EXOC6B: variants seen among roughly 807,000 people sequenced by gnomAD.
EXOC6B encodes SEC15 homolog B.
EXOC6B carries 54 observed loss-of-function variants against 113.5 expected under a neutral mutation model. The ratio of observed to expected loss-of-function variants is 0.48; its 90% CI spans 0.38 to 0.60. The LOEUF is 0.60. Ranked by LOEUF, EXOC6B falls within the 20% of genes least tolerant of loss-of-function variation. The pLI is 0.00. For missense variants in EXOC6B, 797 were observed against 977.5 expected, an observed-to-expected ratio of 0.82 and a Z score of 2.46; for synonymous variants, 357 against 339.0, an observed-to-expected ratio of 1.05 and a Z score of -0.58.
At chr2:72,186,538 TA>T (rs35998544) in intron 20 of EXOC6B, among the ~76,000 whole-genome samples, 7 of 149,144 alleles carry the variant, frequency 4.7e-5, no homozygotes, top group African/African-American at 9.8e-5. Context: ...TTTTCACAAA[TA>T]AAAAAAAAAC....
At chr2:72,513,085 T>C in intron 11 of EXOC6B, 47 bp downstream of exon 11, 3 of 1,604,210 alleles carry the variant, frequency 1.9e-6, no homozygotes, top group Non-Finnish European at 2.6e-6. Flanking sequence ...ACTGAATATA[T>C]AGATAATCAG....
chr2:72,652,740 C>A (rs1674282006), intron 6 of EXOC6B, among the ~76,000 whole-genome samples: 2 of 147,154 alleles, frequency 1.4e-5, no homozygotes, highest in Non-Finnish European at 3.0e-5. Context: ...TAATTATACT[C>A]TATATCTAAT....
At position 72,762,935 on chromosome 2, in the gene EXOC6B, T is replaced by C. The variant is rs556649955; in HGVS notation, c.114-21466A>G. On this transcript the variant is annotated intron_variant, in intron 1 of 21. Transcript: ENST00000272427. ...TGAAAATACACTGTTTTAAGGATTG[T>C]ATGTTATATACAAACACGTACAATA... Among the ~76,000 whole-genome samples the C allele has an allele frequency of 1.0e-3, 154 of 152,232 alleles. 1 individual carries two copies. Among genetic ancestry groups the C allele is most frequent in the African/African-American group, 3.6e-3 (149 of 41,568 alleles).
intron 17 of EXOC6B, among the ~76,000 whole-genome samples, chr2:72,475,913 G>A (rs1350576875): frequency 6.6e-6 from 1 of 152,152 alleles, no homozygotes; most frequent in Non-Finnish European, 1.5e-5. Context: ...CCCTGGTGTG[G>A]GTGGCCCCTG....
At chr2:72,504,727 A>G (rs1309698327) in intron 11 of EXOC6B, among the ~76,000 whole-genome samples, 1 of 152,212 alleles carries the variant, frequency 6.6e-6, no homozygotes, top group Non-Finnish European at 1.5e-5. Flanking sequence ...TGTCTTATCA[A>G]TTTAAACTTA....
chr2:72,423,329 G>A (rs913797313), intron 18 of EXOC6B, among the ~76,000 whole-genome samples: 6 of 152,220 alleles, frequency 3.9e-5, no homozygotes, highest in African/African-American at 9.6e-5. Flanking sequence ...AACACTCACC[G>A]CGAGGGTCCG....
chr2:72,271,268 G>C (rs747758459), intron 20 of EXOC6B, among the ~76,000 whole-genome samples: 1 of 152,024 alleles, frequency 6.6e-6, no homozygotes. Context: ...AAATTAAGTA[G>C]GTAAAGATCA....
intron 20 of EXOC6B, among the ~76,000 whole-genome samples, chr2:72,317,028 C>G (rs192137435): frequency 2.0e-3 from 311 of 152,116 alleles, no homozygotes; most frequent in Non-Finnish European, 2.8e-3. Flanking sequence ...GGAAGAGTGA[C>G]AGAAATAGAC....
chr2:72,726,062 T>C (rs1680283114), intron 5 of EXOC6B, among the ~76,000 whole-genome samples: 1 of 152,164 alleles, frequency 6.6e-6, no homozygotes, highest in Admixed American at 6.5e-5. Flanking sequence ...AATGAAACAG[T>C]GATACATGCT....
At chr2:72,711,750 C>T (rs557803195) in intron 6 of EXOC6B, among the ~76,000 whole-genome samples, 4 of 152,238 alleles carry the variant, frequency 2.6e-5, no homozygotes, top group African/African-American at 9.6e-5. Context: ...TCAATACCCA[C>T]AGTAAATCTG....
chr2:72,752,488 G>GA (rs1682119589), intron 1 of EXOC6B, among the ~76,000 whole-genome samples: 1 of 151,202 alleles, frequency 6.6e-6, no homozygotes, highest in Non-Finnish European at 1.5e-5. Context: ...TGCACTAAAT[G>GA]AAAATCTCTC....
At chr2:72,683,480 AAT>A (rs911479853) in intron 6 of EXOC6B, among the ~76,000 whole-genome samples, 4 of 151,608 alleles carry the variant, frequency 2.6e-5, no homozygotes, top group Non-Finnish European at 4.4e-5. Flanking sequence ...CATTTTTCCA[AAT>A]ATATATATAT....
At chr2:72,463,694 A>T (rs1697855298) in intron 18 of EXOC6B, 1 of 152,186 alleles carries the variant, frequency 6.6e-6, no homozygotes, top group Non-Finnish European at 1.5e-5. Context: ...AATCTTTGAA[A>T]AGCAAGGAGA....
intron 1 of EXOC6B, among the ~76,000 whole-genome samples, chr2:72,789,540 G>A (rs1186303255): frequency 6.6e-6 from 1 of 152,056 alleles, no homozygotes; most frequent in African/African-American, 2.4e-5. Flanking sequence ...CCTAAATGTT[G>A]GGTCTGATTA....
chr2:72,446,460 A>T (rs978478417), intron 18 of EXOC6B, among the ~76,000 whole-genome samples: 4 of 152,142 alleles, frequency 2.6e-5, no homozygotes, highest in East Asian at 1.9e-4. Flanking sequence ...AAAGAATATC[A>T]TGTCTTTTAT....
At chr2:72,706,852 T>C (rs1379941355) in intron 6 of EXOC6B, among the ~76,000 whole-genome samples, 1 of 152,120 alleles carries the variant, frequency 6.6e-6, no homozygotes, top group African/African-American at 2.4e-5. Context: ...TAACACGACT[T>C]CCAAGGCTAG....
intron 6 of EXOC6B, among the ~76,000 whole-genome samples, chr2:72,681,953 G>C (rs953205121): frequency 1.0e-4 from 15 of 149,906 alleles, no homozygotes; most frequent in African/African-American, 3.7e-4. Flanking sequence ...AGAAATAGAA[G>C]GAAGGCCTAA....
chr2:72,680,124 C>T (rs1676596432), intron 6 of EXOC6B, among the ~76,000 whole-genome samples: 1 of 152,010 alleles, frequency 6.6e-6, no homozygotes, highest in Non-Finnish European at 1.5e-5. Flanking sequence ...GGAAAAAATG[C>T]TAACATTTGG....
chr2:72,177,482 C>T lies in EXOC6B; in HGVS notation c.*1853G>A, dbSNP rs1414038320. ...AACAAAGATGAGAGCTTGGCGATGC[C>T]ATTTTGGCTCCTGCCTTCTCTTGGC... is the stretch of plus-strand genomic sequence containing the variant. On this transcript the variant is annotated 3_prime_UTR_variant, in exon 22 of 22. Coordinates refer to ENST00000272427, the MANE Select transcript of EXOC6B (RefSeq NM_015189.3). 1.3e-5 allele frequency: 2 copies of T among 152,222 alleles called. No individual in the cohort carries two copies. The highest frequency in any genetic ancestry group is 1.9e-4 in the East Asian group (1 of 5,188). The allele number at this position is 152,222 out of a possible 1,614,324, so 9.4% of individuals were successfully genotyped here.
Sources: allele counts gnomAD v4.1 joint callset (sites outside exome capture counted in the v4.1 genomes callset), GRCh38; gene constraint gnomAD v4.1.1; transcripts MANE v1.5; gene names NCBI Gene and HGNC (gene_info 2026-07-23, HGNC 2026-07-21).